Variants in CP observed in about 807,000 individuals in gnomAD.
CP encodes the protein ceruloplasmin, also known as caeruloplasmin.
Under a neutral mutation model 122.4 loss-of-function variants are expected in CP, and 64 were observed. The observed-to-expected ratio is 0.52, with a 90% CI of 0.43 to 0.64. The LOEUF (loss-of-function observed/expected upper bound fraction) is 0.64. Among genes scored for constraint, CP ranks in the 30% least tolerant of loss-of-function variants. The pLI is 0.00. For missense variants in CP, 1,167 were observed against 1,284.4 expected (o/e 0.91, Z 1.40); for synonymous variants, 440 against 436.4 (o/e 1.01, Z -0.10).
intron 5 of CP, chr3:149,164,014 G>T (rs1310183501): frequency 2.4e-6 from 2 of 840,138 alleles, no homozygotes; most frequent in East Asian, 2.6e-5. Context: ...GATTAAATTT[G>T]CTGAGACCCC....
chr3:149,172,318 T>TCACACACACACACACA (rs113015797), downstream of CP: 1,515 of 571,794 alleles, frequency 2.6e-3, 7 homozygotes, highest in African/African-American at 0.019. Context: ...ATTTTATATA[T>TCACACACACACACACA]CACACACACA....
chr3:149,181,922 G>T, intron 14 of CP, 83 bp downstream of exon 14: 1 of 1,475,908 alleles, frequency 6.8e-7, no homozygotes, highest in Non-Finnish European at 9.5e-7. Context: ...TCTTGGTCCA[G>T]ACTCTCTATG....
exon 6 of CP, chr3:149,162,747 G>T (rs1291838587): frequency 6.2e-7 from 1 of 1,613,908 alleles, no homozygotes; most frequent in African/African-American, 1.3e-5. Flanking sequence ...CTTTTGGGAA[G>T]CTCAGCTAGT....
At chr3:149,193,954 A>C (rs1726718130) in intron 9 of CP, among the ~76,000 whole-genome samples, 1 of 152,340 alleles carries the variant, frequency 6.6e-6, no homozygotes, top group Admixed American at 6.5e-5. Flanking sequence ...TGATTTCTTC[A>C]TTTGCAAAAT....
Position 149,178,492 on chromosome 3 carries a change from T to G in CP, c.2801A>C (p.Asn934Thr). The G allele has an allele frequency of 6.2e-7, 1 of 1,613,546 alleles. No homozygotes were observed. Residue 934 changes from asparagine (N) to threonine (T), a missense_variant, in exon 16 of 19, where the codon AAC becomes ACC. By Grantham distance (65) the Asn-to-Thr change is moderately conservative (BLOSUM62 0). Coordinates refer to ENST00000264613, the MANE Select transcript of CP (RefSeq NM_000096.4). ...DENESWYLDD[N>T]IKTYSDHPEK... ...GGGGTGATCAGAGTATGTTTTGATGTTGTCATCTAAGTACCAAGATTCATT... is the reference window on the plus strand; with the variant it reads ...GGGGTGATCAGAGTATGTTTTGATGGTGTCATCTAAGTACCAAGATTCATT...
At chr3:149,198,686 G>A (rs1272072846) in intron 8 of CP, 108 bp from the exon 9 acceptor site, 2 of 927,478 alleles carry the variant, frequency 2.2e-6, no homozygotes, top group African/African-American at 3.3e-5. Flanking sequence ...TGAGTTCTTT[G>A]TTATAAATTA....
Position 149,162,859 on chromosome 3 carries a change from T to TG in CP, c.*29dup, listed in dbSNP as rs1576695913. ...AGGCAGCCTCCTGACACCACACCATTGCGAACATCGGAGGATCTGGTAAGA... is the reference window on the plus strand; with the variant it reads ...AGGCAGCCTCCTGACACCACACCATTGGCGAACATCGGAGGATCTGGTAAGA... On this transcript the variant is annotated 3_prime_UTR_variant, in exon 6 of 6. Transcript: ENST00000479771. The TG allele has an allele frequency of 1.2e-6, 2 of 1,613,790 alleles. No individual in the cohort carries two copies. The highest frequency in any genetic ancestry group is 1.7e-6 in the Non-Finnish European group (2 of 1,179,720).
At chr3:149,207,767 T>G in intron 4 of CP, 150 bp from the exon 5 acceptor site, 1 of 797,794 alleles carries the variant, frequency 1.3e-6, no homozygotes, top group Non-Finnish European at 2.1e-6. Context: ...CAGACATTGC[T>G]AATCAATCAC....
At chr3:149,164,357 A>G (rs1016655318) in intron 5 of CP, among the ~76,000 whole-genome samples, 2 of 152,180 alleles carry the variant, frequency 1.3e-5, no homozygotes, top group Non-Finnish European at 2.9e-5. Context: ...TATTTCTCTT[A>G]TAGGAAACAG....
Position 149,198,370 on chromosome 3 carries a change from T to G in CP, c.1710A>C (p.Arg570Ser). Residue 570 changes from arginine to serine, a missense_variant, in exon 9 of 19, where the codon AGA becomes AGC. Around this residue, in one of 2 missense-constraint regions of CP, gnomAD observed 525 missense variants for 657.2 expected, o/e 0.80. Transcript: ENST00000264613. ...CKKGSLHANG[R>S]QKDVDKEFYL... ...TTTTTTCCCCAGTTGGACTTACCTG[T>G]CTCCCATTTGCATGTAAACTTCCTT... The G allele has an allele frequency of 1.2e-6, 2 of 1,613,760 alleles. No individual in the cohort carries two copies. Among genetic ancestry groups the G allele is most frequent in the Non-Finnish European group, 1.7e-6 (2 of 1,179,598 alleles).
At chr3:149,206,096 A>T in intron 6 of CP, 72 bp downstream of exon 6, 1 of 1,428,696 alleles carries the variant, frequency 7.0e-7, no homozygotes, top group Non-Finnish European at 9.8e-7. Context: ...TTAATTGCTG[A>T]ATTAGCCTTT....
intron 10 of CP, among the ~76,000 whole-genome samples, chr3:149,187,710 A>C (rs908320566): frequency 5.3e-5 from 8 of 152,226 alleles, no homozygotes; most frequent in Non-Finnish European, 1.0e-4. Context: ...GAGTTTGTTG[A>C]AAACAGATTG....
In CP at chr3:149,207,384, G is replaced by A; in HGVS notation, c.1015C>T (p.Gln339Ter). The A allele has an allele frequency of 6.2e-7, 1 of 1,613,892 alleles. No homozygotes were observed. Among genetic ancestry groups the A allele is most frequent in the Non-Finnish European group, 8.5e-7 (1 of 1,179,792 alleles). The change falls in exon 5 of 19, where the codon CAG becomes TAG. Residue 339 changes from glutamine (Q) to a stop codon, truncating the protein, a stop_gained. Coordinates refer to ENST00000264613, the MANE Select transcript of CP (RefSeq NM_000096.4). LOFTEE classifies it high-confidence loss of function. ...CTACCTTTCAGATGGTTTAGATTCT[G>A]ACAGCTGAGCATCCATTCTCCAGGG... ...QNPGEWMLSC[Q>*]NLNHLKAGLQ...
At chr3:149,198,341 A>T in intron 9 of CP, 26 bp downstream of exon 9, 5 of 1,552,176 alleles carry the variant, frequency 3.2e-6, no homozygotes, top group Non-Finnish European at 4.4e-6. Context: ...AGATTGAACA[A>T]TTTTTTTTTC....
At chr3:149,187,434 C>T (rs1262569087) in intron 10 of CP, among the ~76,000 whole-genome samples, 2 of 152,088 alleles carry the variant, frequency 1.3e-5, no homozygotes, top group East Asian at 3.8e-4. Context: ...TGAGCTCTAA[C>T]CACTTTTTAG....
At chr3:149,181,157 C>A (rs182121420) in intron 14 of CP, among the ~76,000 whole-genome samples, 2 of 152,202 alleles carry the variant, frequency 1.3e-5, no homozygotes, top group East Asian at 3.9e-4. Context: ...TCTTAAATCT[C>A]GAGTCTGAGG....
intron 7 of CP, among the ~76,000 whole-genome samples, chr3:149,200,457 C>A (rs892842350): frequency 6.6e-6 from 1 of 152,012 alleles, no homozygotes; most frequent in African/African-American, 2.4e-5. Flanking sequence ...AACTATTGTT[C>A]CCATTTTACA....
At chr3:149,186,047 T>G (rs1015006392) in intron 11 of CP, 2 of 183,352 alleles carry the variant, frequency 1.1e-5, no homozygotes, top group South Asian at 2.4e-4. Flanking sequence ...AGTTGTAGTT[T>G]GTTTTACTCG....
At chr3:149,162,971 C>T in intron 5 of CP, 1 of 1,087,704 alleles carries the variant, frequency 9.2e-7, no homozygotes, top group South Asian at 1.3e-5. Context: ...AAAATCTAAC[C>T]TAGTTTTCTA....
Sources: allele counts gnomAD v4.1 joint callset (sites outside exome capture counted in the v4.1 genomes callset), GRCh38; gene constraint gnomAD v4.1.1; regional missense constraint gnomAD v4.1.1; transcripts MANE v1.5; gene names NCBI Gene and HGNC (gene_info 2026-07-23, HGNC 2026-07-21).